Variants in PTCD3 observed in about 807,000 individuals in gnomAD.
PTCD3 encodes pentatricopeptide repeat domain 3, also known as small ribosomal subunit protein mS39.
Under a neutral mutation model 101.9 loss-of-function variants are expected in PTCD3, and 89 were observed. The ratio of observed to expected loss-of-function variants is 0.87; its 90% confidence interval spans 0.74 to 1.04. The LOEUF is 1.04. Among genes scored for constraint, PTCD3 ranks in the 50% least tolerant of loss-of-function variants. The pLI is 0.00. For missense variants in PTCD3, 870 were observed against 828.2 expected (o/e 1.05, Z -0.62); for synonymous variants, 296 against 278.5 (o/e 1.06, Z -0.63).
In PTCD3 at chr2:86,132,368, A is replaced by G. The variant is rs141332899; in HGVS notation, c.1317A>G (p.Leu439=). ...TTGCCTACCAAGTACATGGCCTTTTAAAAACCGGAGACAACTGGAAATTCA... is the reference window on the plus strand; with the variant it reads ...TTGCCTACCAAGTACATGGCCTTTTGAAAACCGGAGACAACTGGAAATTCA... ...LELAYQVHGL[L]KTGDNWKFIG... Residue 439 remains leucine, a synonymous_variant, in exon 17 of 24, where the codon TTA becomes TTG. Coordinates refer to ENST00000254630, the MANE Select transcript of PTCD3 (RefSeq NM_017952.6). The G allele has an allele frequency of 4.2e-5, 68 of 1,610,120 alleles. No homozygotes were observed. Among genetic ancestry groups the G allele is most frequent in the Non-Finnish European group, 5.6e-5 (66 of 1,176,700 alleles).
chr2:86,122,841 C>A (rs1674315960), intron 8 of PTCD3, among the ~76,000 whole-genome samples: 1 of 152,216 alleles, frequency 6.6e-6, no homozygotes, highest in South Asian at 2.1e-4. Context: ...GCCTCTCCAG[C>A]CCCAGCTCTT....
chr2:86,107,189 C>T (rs561739213), intron 1 of PTCD3: 287 of 471,234 alleles, frequency 6.1e-4, no homozygotes, highest in Non-Finnish European at 1.0e-3. Flanking sequence ...AATGCCAGTC[C>T]TCCGTTTCCT....
At chr2:86,136,412 T>G (rs1674585262) in intron 21 of PTCD3, 109 bp from the exon 22 acceptor site, 1 of 1,053,120 alleles carries the variant, frequency 9.5e-7, no homozygotes, top group African/African-American at 1.6e-5. Context: ...GCTTACAGTA[T>G]AGTTAAGAAA....
At chr2:86,123,141 AG>A (rs1004804383) in intron 8 of PTCD3, among the ~76,000 whole-genome samples, 14 of 152,090 alleles carry the variant, frequency 9.2e-5, no homozygotes, top group African/African-American at 3.4e-4. Context: ...ACGCGCCTGT[AG>A]TCCCAGCTAC....
chr2:86,133,549 A>T (rs1674529747), intron 19 of PTCD3, 113 bp downstream of exon 19: 4 of 1,049,154 alleles, frequency 3.8e-6, no homozygotes, highest in Non-Finnish European at 4.2e-6. Flanking sequence ...TGACTGAACC[A>T]AATGTGTTAG....
At position 86,136,613 on chromosome 2, in the gene PTCD3, A is replaced by G. The variant is rs375156355; in HGVS notation, c.1820+51A>G. 5.7e-5 allele frequency: 90 copies of G among 1,568,930 alleles called. No individual in the cohort carries two copies. The African/African-American group carries it at 1.0e-3, about 18-fold the overall frequency. ...TTGGGTACAGCCTGGAAGTAGCCACATTTGGAATTTCTTCACCAGCCTTAG... is the reference window on the plus strand; with the variant it reads ...TTGGGTACAGCCTGGAAGTAGCCACGTTTGGAATTTCTTCACCAGCCTTAG... On this transcript the variant is annotated intron_variant, in intron 22 of 23. Transcript: ENST00000254630.
intron 1 of PTCD3, among the ~76,000 whole-genome samples, chr2:86,108,130 A>C (rs1177215528): frequency 1.3e-5 from 2 of 151,792 alleles, no homozygotes; most frequent in Non-Finnish European, 2.9e-5. Context: ...TGTCTCTAAA[A>C]AAAAAAAAAA....
chr2:86,137,756 T>A lies in PTCD3; in HGVS notation c.*197T>A. The stretch of plus-strand genomic sequence containing the variant: ...GCTAATATGCTACTTAACCATCTAT[T>A]AATGCACCATTAAAGGCTTAGCATT... On this transcript the variant is annotated 3_prime_UTR_variant, in exon 24 of 24. Coordinates refer to ENST00000254630, the MANE Select transcript of PTCD3 (RefSeq NM_017952.6). 1 of 652,952 alleles carries A rather than the reference T, an allele frequency of 1.5e-6. No homozygotes were observed. Among genetic ancestry groups the A allele is most frequent in the Non-Finnish European group, 2.5e-6 (1 of 402,946 alleles). The allele number at this position is 652,952 out of a possible 1,614,324, so 40.4% of individuals were successfully genotyped here.
rs1674655231 is a variant in PTCD3 at position 86,139,988 on chromosome 2, A to C, written c.*2429A>C. On this transcript the variant is annotated 3_prime_UTR_variant, in exon 24 of 24. Transcript: ENST00000254630. The stretch of plus-strand genomic sequence containing the variant: ...TTGTTTTATAGCCATCAAAGTATTC[A>C]AGAGGTTGGATGGCACTCAAAAGAT... The C allele has an allele frequency of 6.6e-6, 1 of 152,196 alleles. No homozygotes were observed. Among genetic ancestry groups the C allele is most frequent in the Non-Finnish European group, 1.5e-5 (1 of 68,034 alleles). The allele number at this position is 152,196 out of a possible 1,614,324, so 9.4% of individuals were successfully genotyped here.
chr2:86,125,946 C>T, intron 12 of PTCD3, 66 bp downstream of exon 12: 1 of 1,206,726 alleles, frequency 8.3e-7, no homozygotes, highest in Non-Finnish European at 1.2e-6. Flanking sequence ...AATACATGGG[C>T]TGGCCAGGTG....
rs559844857 is a variant in PTCD3, at chr2:86,113,648, A to G, written c.240+2490A>G. ...TGGTGAAACCCTGTCTCTACAAAAA[A>G]ACACAAAAATTAGCTGAGCGTGGTA... On this transcript the variant is annotated intron_variant, in intron 4 of 23. Coordinates refer to ENST00000254630, the MANE Select transcript of PTCD3 (RefSeq NM_017952.6). Among the ~76,000 whole-genome samples the G allele has an allele frequency of 8.5e-5, 13 of 152,184 alleles. No individual in the cohort carries two copies. In the South Asian group the frequency reaches 2.5e-3, roughly 29 times the overall value.
intron 8 of PTCD3, among the ~76,000 whole-genome samples, chr2:86,123,122 C>T (rs1348589058): frequency 6.6e-6 from 1 of 152,010 alleles, no homozygotes; most frequent in South Asian, 2.1e-4. Context: ...ATTAGCTGGG[C>T]GTGGTGGCAC....
intron 6 of PTCD3, among the ~76,000 whole-genome samples, chr2:86,118,053 G>C (rs1674207944): frequency 6.6e-6 from 1 of 152,228 alleles, no homozygotes; most frequent in Non-Finnish European, 1.5e-5. Flanking sequence ...GGGATTACAG[G>C]TGTGAGCCAC....
Position 86,130,666 on chromosome 2 carries a change from C to G in PTCD3, c.1166C>G (p.Ser389Ter), listed in dbSNP as rs751680698. 5 of 1,612,738 alleles carry G rather than the reference C, an allele frequency of 3.1e-6. No individual in the cohort carries two copies. In the African/African-American group the frequency reaches 5.3e-5, roughly 17 times the overall value. The change falls in exon 15 of 24, where the codon TCA (serine) becomes TGA (stop). Residue 389 changes from serine (S) to a stop codon, truncating the protein, a stop_gained. Coordinates refer to ENST00000254630, the MANE Select transcript of PTCD3 (RefSeq NM_017952.6). LOFTEE classifies it high-confidence loss of function. ...TCTGCAGGAGACCCTTTAAAGAGAT[C>G]ATCCTTCATCATTTATGATATAATG... The part of the protein sequence containing the change: ...FDQPGDPLKR[S>*]SFIIYDIMNE...
chr2:86,112,410 TGTAATCCCATCA>T (rs1156909304), intron 4 of PTCD3, among the ~76,000 whole-genome samples: 1 of 150,696 alleles, frequency 6.6e-6, no homozygotes, highest in Admixed American at 6.6e-5. Flanking sequence ...GGCTCACATC[TGTAATCCCATCA>T]CTAATCCCAT....
At position 86,122,001 on chromosome 2, in the gene PTCD3, G is replaced by A. The variant is rs536629765; in HGVS notation, c.654+407G>A. 9.2e-5 allele frequency among the ~76,000 whole-genome samples: 14 copies of A among 152,262 alleles called. No homozygotes were observed. In the South Asian group the frequency reaches 1.7e-3, roughly 18 times the overall value. On this transcript the variant is annotated intron_variant, in intron 8 of 23. Transcript: ENST00000254630. The stretch of plus-strand genomic sequence containing the variant: ...ACAGAACAGTAGTGTGCCGGGGCCC[G>A]CCTGTAAGTTGAGTCATAGCCTCTC...
chr2:86,121,625 T>C (rs1216167675), intron 8 of PTCD3, 31 bp downstream of exon 8: 2 of 1,338,988 alleles, frequency 1.5e-6, no homozygotes, highest in South Asian at 1.3e-5. Flanking sequence ...TTTTTTTTTT[T>C]CCTTAAGCTT....
chr2:86,139,107 A>G lies in PTCD3; in HGVS notation c.*1548A>G, dbSNP rs935765865. On this transcript the variant is annotated 3_prime_UTR_variant, in exon 24 of 24. Transcript: ENST00000254630. ...TCCAAACCCATACTCTGAGCAATTA[A>G]CTGCCTTGAACATAGAGAAAAATTA... The G allele has an allele frequency of 6.6e-6, 1 of 152,202 alleles. No homozygotes were observed. The highest frequency in any genetic ancestry group is 1.5e-5 in the Non-Finnish European group (1 of 68,050). The allele number at this position is 152,202 out of a possible 1,614,324, so 9.4% of individuals were successfully genotyped here. A position where few individuals can be genotyped will look rare whatever the true frequency, so the allele number is the denominator to read the frequency against.
Position 86,141,303 on chromosome 2 carries a change from A to G in PTCD3, c.*3744A>G, listed in dbSNP as rs1310214765. ...CTCTGGATACATCAATGGGAAGGAA[A>G]CCAGGGAAGCATAGACCTATAGTAC... On this transcript the variant is annotated 3_prime_UTR_variant, in exon 24 of 24. Transcript: ENST00000254630. 1.3e-5 allele frequency: 2 copies of G among 152,226 alleles called. No individual in the cohort carries two copies. Among genetic ancestry groups the G allele is most frequent in the Non-Finnish European group, 2.9e-5 (2 of 68,044 alleles). 9.4% of individuals were successfully genotyped at this position (152,226 alleles called of 1,614,324 possible).
Sources: allele counts gnomAD v4.1 joint callset (sites outside exome capture counted in the v4.1 genomes callset), GRCh38; gene constraint gnomAD v4.1.1; transcripts MANE v1.5; gene names NCBI Gene and HGNC (gene_info 2026-07-23, HGNC 2026-07-21).